GMDS: variants seen among roughly 807,000 people sequenced by gnomAD.
GMDS encodes GDP-mannose 4,6-dehydratase.
GMDS carries 20 observed loss-of-function variants against 49.9 expected under a neutral mutation model. That is an observed-to-expected ratio of 0.40 (90% CI 0.28 to 0.58). The LOEUF (loss-of-function observed/expected upper bound fraction) is 0.58, where lower values mean the gene tolerates loss of function less well. Among genes scored for constraint, GMDS ranks in the 20% least tolerant of loss-of-function variants. The pLI, the probability that GMDS is intolerant of heterozygous loss-of-function variation, is 0.42. For missense variants in GMDS, 362 were observed against 481.4 expected (o/e 0.75, Z 2.32); for synonymous variants, 177 against 178.6 (o/e 0.99, Z 0.07).
chr6:1,664,089 G>C (rs988941866), intron 9 of GMDS, among the ~76,000 whole-genome samples: 1 of 152,048 alleles, frequency 6.6e-6, no homozygotes, highest in Admixed American at 6.5e-5. Context: ...ACAATAATTA[G>C]GCTAAAAGTT....
chr6:2,090,615 A>G (rs890755978), intron 4 of GMDS, among the ~76,000 whole-genome samples: 2 of 152,222 alleles, frequency 1.3e-5, no homozygotes, highest in Non-Finnish European at 2.9e-5. Flanking sequence ...ATAAGCTAGA[A>G]CAACAACGAC....
At chr6:2,032,031 A>T (rs974997510) in intron 4 of GMDS, among the ~76,000 whole-genome samples, 2 of 152,200 alleles carry the variant, frequency 1.3e-5, no homozygotes, top group Non-Finnish European at 2.9e-5. Flanking sequence ...AGAACTTATT[A>T]TTGAAAATGG....
chr6:2,068,105 T>C (rs1771735858), intron 4 of GMDS, among the ~76,000 whole-genome samples: 1 of 147,982 alleles, frequency 6.8e-6, no homozygotes, highest in African/African-American at 2.5e-5. Context: ...GCAAGGCTGG[T>C]TCAATATACA....
intron 4 of GMDS, among the ~76,000 whole-genome samples, chr6:2,045,649 T>C (rs976257615): frequency 6.6e-6 from 1 of 152,154 alleles, no homozygotes; most frequent in Non-Finnish European, 1.5e-5. Flanking sequence ...TAGGGTTGCA[T>C]GGTGACAGTG....
intron 4 of GMDS, among the ~76,000 whole-genome samples, chr6:2,068,101 C>A (rs1179887069): frequency 6.7e-6 from 1 of 148,218 alleles, no homozygotes; most frequent in Non-Finnish European, 1.5e-5. Context: ...GGATGCAAGG[C>A]TGGTTCAATA....
chr6:1,663,380 T>G (rs1335298274), intron 9 of GMDS, among the ~76,000 whole-genome samples: 1 of 152,196 alleles, frequency 6.6e-6, no homozygotes, highest in Non-Finnish European at 1.5e-5. Context: ...TATTGCTTCT[T>G]GTTCTCACCT....
intron 7 of GMDS, among the ~76,000 whole-genome samples, chr6:1,856,519 T>C (rs76265926): frequency 4.4e-4 from 67 of 152,362 alleles, no homozygotes; most frequent in Non-Finnish European, 8.1e-4. Flanking sequence ...CCAATTTGCA[T>C]TTTAATAGTC....
At chr6:1,898,740 C>A (rs960454773) in intron 7 of GMDS, among the ~76,000 whole-genome samples, 4 of 152,150 alleles carry the variant, frequency 2.6e-5, no homozygotes, top group South Asian at 2.1e-4. Context: ...CAACTTCCTG[C>A]GGGGAGATGA....
At chr6:1,693,418 G>A (rs1178652265) in intron 9 of GMDS, among the ~76,000 whole-genome samples, 1 of 152,212 alleles carries the variant, frequency 6.6e-6, no homozygotes, top group East Asian at 1.9e-4. Context: ...GGAACTTGCT[G>A]GGCTCTGCCC....
intron 6 of GMDS, among the ~76,000 whole-genome samples, chr6:1,958,716 T>A (rs893502704): frequency 1.3e-5 from 2 of 151,512 alleles, no homozygotes; most frequent in African/African-American, 4.8e-5. Context: ...TATAGTCACA[T>A]AAAATTTCAC....
chr6:1,802,956 C>T (rs1450391836), intron 7 of GMDS, among the ~76,000 whole-genome samples: 2 of 152,124 alleles, frequency 1.3e-5, no homozygotes, highest in Admixed American at 6.5e-5. Context: ...CTGTGCTGAT[C>T]GGAGACTGAT....
intron 1 of GMDS, among the ~76,000 whole-genome samples, chr6:2,174,417 G>A (rs1055898555): frequency 6.6e-6 from 1 of 151,978 alleles, no homozygotes; most frequent in African/African-American, 2.4e-5. Flanking sequence ...TTTAAACTAT[G>A]CTTGCAGAGT....
chr6:2,187,331 A>G (rs567151854), intron 1 of GMDS, among the ~76,000 whole-genome samples: 12 of 152,312 alleles, frequency 7.9e-5, no homozygotes, highest in Admixed American at 7.8e-4. Flanking sequence ...TCCTTCTTTT[A>G]TCACCAGCAA....
chr6:1,753,008 T>C (rs1767791113), intron 7 of GMDS, among the ~76,000 whole-genome samples: 1 of 152,190 alleles, frequency 6.6e-6, no homozygotes, highest in Admixed American at 6.5e-5. Flanking sequence ...AGCATCATAA[T>C]GACAGGATCA....
chr6:1,821,038 C>T (rs1015808523), intron 7 of GMDS, among the ~76,000 whole-genome samples: 3 of 152,146 alleles, frequency 2.0e-5, no homozygotes, highest in Non-Finnish European at 4.4e-5. Flanking sequence ...TACAAAATGC[C>T]ACCTCATTGT....
intron 1 of GMDS, among the ~76,000 whole-genome samples, chr6:2,144,819 A>G (rs1776472631): frequency 6.6e-6 from 1 of 152,230 alleles, no homozygotes; most frequent in Non-Finnish European, 1.5e-5. Flanking sequence ...TCCCCAGCAT[A>G]GTGACTGCAC....
intron 6 of GMDS, chr6:1,930,598 A>C (rs1762244726): frequency 6.0e-6 from 1 of 167,878 alleles, no homozygotes; most frequent in African/African-American, 2.4e-5. Context: ...GAAATGCCAG[A>C]ATGGACGACA....
chr6:1,628,709 T>A (rs928120937), intron 9 of GMDS, among the ~76,000 whole-genome samples: 1 of 152,214 alleles, frequency 6.6e-6, no homozygotes, highest in African/African-American at 2.4e-5. Context: ...CTAATGTACA[T>A]CTTGGAAGAA....
chr6:1,983,991 C>A (rs899112094), intron 4 of GMDS, among the ~76,000 whole-genome samples: 11 of 152,102 alleles, frequency 7.2e-5, no homozygotes, highest in African/African-American at 2.4e-4. Flanking sequence ...CAATGATAGA[C>A]TGAATTAAAA....
Sources: allele counts gnomAD v4.1 joint callset (sites outside exome capture counted in the v4.1 genomes callset), GRCh38; gene constraint gnomAD v4.1.1; transcripts MANE v1.5; gene names NCBI Gene and HGNC (gene_info 2026-07-23, HGNC 2026-07-21).